Variants in EIF3J observed in about 807,000 individuals in gnomAD.
EIF3J encodes eukaryotic translation initiation factor 3 subunit J.
EIF3J carries 15 observed loss-of-function variants against 39.0 expected under a neutral mutation model. The ratio of observed to expected loss-of-function variants is 0.38; its 90% CI spans 0.26 to 0.59. The LOEUF is 0.59. Among genes scored for constraint, EIF3J ranks in the 20% least tolerant of loss-of-function variants. The probability of loss-of-function intolerance (pLI) is 0.60; values close to 1 mark genes in which losing one functional copy is unlikely to be tolerated. For synonymous variants in EIF3J, 98 were observed against 112.9 expected, an observed-to-expected ratio of 0.87 and a Z score of 0.84; for missense variants, 226 against 308.6, an observed-to-expected ratio of 0.73 and a Z score of 2.00.
At position 44,537,312 on chromosome 15, in the gene EIF3J, T is replaced by G. The variant is rs2081966744; in HGVS notation, c.44-12T>G. ...AGTGGCAGGCACTAACACGGCTCGC[T>G]TTCTTCCGTAGACGCCGACGCTTTC... On this transcript the variant is annotated splice_polypyrimidine_tract_variant and intron_variant, in intron 1 of 7. Transcript: ENST00000261868. 1 of 1,560,970 alleles carries G rather than the reference T, an allele frequency of 6.4e-7. No individual in the cohort carries two copies. Among genetic ancestry groups the G allele is most frequent in the Admixed American group, 1.9e-5 (1 of 51,838 alleles).
chr15:44,552,505 A>C (rs1016259808), intron 4 of EIF3J, among the ~76,000 whole-genome samples: 1 of 151,860 alleles, frequency 6.6e-6, no homozygotes, highest in Non-Finnish European at 1.5e-5. Flanking sequence ...TCGACCTCCC[A>C]AAGTGCTGGG....
chr15:44,543,649 T>C (rs566127171), intron 2 of EIF3J, among the ~76,000 whole-genome samples: 10 of 152,270 alleles, frequency 6.6e-5, no homozygotes, highest in African/African-American at 2.4e-4. Flanking sequence ...CTTGACCTCG[T>C]GATCTGCCTG....
chr15:44,545,496 T>C (rs1000563569), intron 2 of EIF3J, among the ~76,000 whole-genome samples: 4 of 152,218 alleles, frequency 2.6e-5, no homozygotes, highest in African/African-American at 9.6e-5. Context: ...GTTTAAAACA[T>C]GCTTTTTAAA....
rs375841093 is a variant in EIF3J at position 44,557,697 on chromosome 15, A to C, written c.571+47A>C. 19 of 1,339,928 alleles carry C rather than the reference A, an allele frequency of 1.4e-5. No homozygotes were observed. In the African/African-American group the frequency reaches 2.4e-4, roughly 17 times the overall value. The allele number at this position is 1,339,928 out of a possible 1,614,324, so 83.0% of individuals were successfully genotyped here. A position where few individuals can be genotyped will look rare whatever the true frequency, so the allele number is the denominator to read the frequency against. On this transcript the variant is annotated intron_variant, in intron 6 of 7. Coordinates refer to ENST00000261868, the MANE Select transcript of EIF3J (RefSeq NM_003758.4). Reference sequence around the variant, plus strand: ...CCCCTCTGGGTAGATTTTTAGTAGGATGTTCTCTTCAGGAGGTTGAAGGTT... The same window carrying C: ...CCCCTCTGGGTAGATTTTTAGTAGGCTGTTCTCTTCAGGAGGTTGAAGGTT...
Position 44,538,413 on chromosome 15 carries a change from A to AT in EIF3J, c.147+995dup, listed in dbSNP as rs144609088. On this transcript the variant is annotated intron_variant, in intron 2 of 7. Coordinates refer to ENST00000261868, the MANE Select transcript of EIF3J (RefSeq NM_003758.4). ...AAAGTTTTGTGTGAAATGGAAAATG[A>AT]TTTTTTTTTGTGGTTTTGCCTAATT... Among the ~76,000 whole-genome samples, 874 of 151,254 alleles carry AT rather than the reference A, an allele frequency of 5.8e-3. 3 individuals are homozygous for AT. Among genetic ancestry groups the AT allele is most frequent in the Admixed American group, 0.01 (152 of 15,182 alleles).
chr15:44,545,933 A>G (rs963352139), intron 2 of EIF3J, among the ~76,000 whole-genome samples: 1 of 152,112 alleles, frequency 6.6e-6, no homozygotes, highest in African/African-American at 2.4e-5. Flanking sequence ...GAATAACACT[A>G]CCTTCTTACA....
At chr15:44,557,926 G>A (rs1035772887) in intron 6 of EIF3J, 1 of 208,492 alleles carries the variant, frequency 4.8e-6, no homozygotes. Context: ...TAAAACACTG[G>A]CCTATTCTTT....
intron 6 of EIF3J, chr15:44,558,121 T>G (rs2082159974): frequency 6.6e-6 from 1 of 152,380 alleles, no homozygotes; most frequent in African/African-American, 2.4e-5. Context: ...GTGCCACACC[T>G]TGATAGGAGT....
chr15:44,544,703 T>TA (rs34101594), intron 2 of EIF3J, among the ~76,000 whole-genome samples: 73,160 of 85,400 alleles, frequency 0.86, 31,642 homozygotes, highest in Non-Finnish European at 0.9. Context: ...AAACTCCATT[T>TA]AAAAAAAAAA....
intron 5 of EIF3J, among the ~76,000 whole-genome samples, chr15:44,555,414 C>G (rs570738575): frequency 6.6e-5 from 10 of 152,320 alleles, no homozygotes; most frequent in Non-Finnish European, 1.0e-4. Flanking sequence ...CACTTTCATA[C>G]TTTCTCTACT....
intron 7 of EIF3J, chr15:44,560,603 C>T: frequency 2.6e-6 from 1 of 384,322 alleles, no homozygotes. Flanking sequence ...TTCTAAGCTT[C>T]AGTCTTCTCC....
intron 2 of EIF3J, among the ~76,000 whole-genome samples, chr15:44,540,255 ATATATATATATATT>A (rs1373334331): frequency 3.8e-5 from 2 of 52,846 alleles, no homozygotes; most frequent in Admixed American, 2.4e-4. Flanking sequence ...ATATATATAT[ATATATATATATATT>A]TTTTTTTTTT....
chr15:44,549,951 C>G (rs1458020046), intron 2 of EIF3J, among the ~76,000 whole-genome samples: 1 of 146,354 alleles, frequency 6.8e-6, no homozygotes, highest in Non-Finnish European at 1.5e-5. Flanking sequence ...GAAACTCCGT[C>G]TCAAAAAAAA....
At chr15:44,548,164 G>A (rs2082069528) in intron 2 of EIF3J, among the ~76,000 whole-genome samples, 1 of 152,190 alleles carries the variant, frequency 6.6e-6, no homozygotes, top group Admixed American at 6.5e-5. Context: ...GCTCACGCCT[G>A]CAATCCCAGC....
chr15:44,555,700 T>C (rs901137390), intron 5 of EIF3J, among the ~76,000 whole-genome samples: 1 of 152,242 alleles, frequency 6.6e-6, no homozygotes, highest in Non-Finnish European at 1.5e-5. Context: ...ACACCTGTTA[T>C]AGACTAAAAG....
At chr15:44,544,874 C>T (rs1250718357) in intron 2 of EIF3J, among the ~76,000 whole-genome samples, 1 of 151,748 alleles carries the variant, frequency 6.6e-6, no homozygotes, top group African/African-American at 2.4e-5. Context: ...CATGGTGGTG[C>T]ATACCTGTAG....
intron 4 of EIF3J, among the ~76,000 whole-genome samples, chr15:44,554,269 C>T (rs566628323): frequency 4.7e-5 from 7 of 149,464 alleles, no homozygotes; most frequent in South Asian, 4.3e-4. Flanking sequence ...CCCAGCTACT[C>T]GGGAGGCTGA....
rs990038877 is a variant in EIF3J at position 44,554,487 on chromosome 15, C to T, written c.295-66C>T. Reference sequence around the variant, plus strand: ...ATATACGCTTATTTAAGAATTCGTACAATACAGAAAGGTACTGAGTGCATC... The same window carrying T: ...ATATACGCTTATTTAAGAATTCGTATAATACAGAAAGGTACTGAGTGCATC... On this transcript the variant is annotated intron_variant, in intron 4 of 7. Coordinates refer to ENST00000261868, the MANE Select transcript of EIF3J (RefSeq NM_003758.4). 1.8e-5 allele frequency: 14 copies of T among 774,888 alleles called. No individual in the cohort carries two copies. The African/African-American group carries it at 2.5e-4, about 14-fold the overall frequency. 48.0% of individuals were successfully genotyped at this position (774,888 alleles called of 1,614,324 possible).
At chr15:44,541,914 AC>A (rs2082017494) in intron 2 of EIF3J, among the ~76,000 whole-genome samples, 1 of 152,208 alleles carries the variant, frequency 6.6e-6, no homozygotes, top group African/African-American at 2.4e-5. Context: ...ACTTTTATAA[AC>A]TAGCAAGTTT....
Sources: gnomAD v4.1 joint callset for allele counts (sites outside exome capture counted in the v4.1 genomes callset) on GRCh38, gnomAD v4.1.1 for gene constraint, MANE v1.5 for transcripts, NCBI Gene and HGNC (gene_info 2026-07-23, HGNC 2026-07-21) for gene names.